Variants in MYO3B observed in about 807,000 individuals in gnomAD.
MYO3B encodes myosin-IIIb.
MYO3B carries 156 observed loss-of-function variants against 174.6 expected under a neutral mutation model. That is an observed-to-expected ratio of 0.89 (90% CI 0.78 to 1.02). MYO3B has a LOEUF of 1.02. MYO3B is among the 50% of genes least tolerant of loss of function. The probability of loss-of-function intolerance (pLI) is 0.00; values close to 1 mark genes in which losing one functional copy is unlikely to be tolerated. For synonymous variants in MYO3B, 563 were observed against 569.1 expected, an observed-to-expected ratio of 0.99 and a Z score of 0.15; for missense variants, 1,632 against 1,639.4, an observed-to-expected ratio of 1.00 and a Z score of 0.08.
At chr2:170,377,581 C>T (rs2094304202) in intron 9 of MYO3B, among the ~76,000 whole-genome samples, 1 of 152,154 alleles carries the variant, frequency 6.6e-6, no homozygotes, top group African/African-American at 2.4e-5. Context: ...TAAGGCCCGT[C>T]CTGCTCTCCA....
intron 8 of MYO3B, among the ~76,000 whole-genome samples, chr2:170,349,067 T>C (rs1269789895): frequency 6.6e-6 from 1 of 152,190 alleles, no homozygotes; most frequent in African/African-American, 2.4e-5. Flanking sequence ...AATTATTCTG[T>C]GTCTTCCCAG....
intron 19 of MYO3B, among the ~76,000 whole-genome samples, chr2:170,403,610 G>A (rs1026432768): frequency 2.6e-5 from 4 of 152,202 alleles, no homozygotes; most frequent in Non-Finnish European, 2.9e-5. Flanking sequence ...ACTCTCTTCT[G>A]TATGAAGTAG....
intron 32 of MYO3B, among the ~76,000 whole-genome samples, chr2:170,617,737 A>G (rs1049487700): frequency 6.6e-6 from 1 of 152,190 alleles, no homozygotes; most frequent in Admixed American, 6.5e-5. Context: ...TACGTTTTTG[A>G]TAAGTAATAT....
At chr2:170,208,373 T>G (rs1290455826) in intron 3 of MYO3B, among the ~76,000 whole-genome samples, 1 of 152,204 alleles carries the variant, frequency 6.6e-6, no homozygotes, top group East Asian at 1.9e-4. Context: ...GCTATAGTTA[T>G]GCTTGCTAAG....
intron 7 of MYO3B, among the ~76,000 whole-genome samples, chr2:170,245,331 G>A (rs955044452): frequency 3.3e-5 from 5 of 152,174 alleles, no homozygotes; most frequent in Non-Finnish European, 5.9e-5. Flanking sequence ...GGTGAAAAAT[G>A]AATTATTTGT....
rs142723721 is a variant in MYO3B at position 170,582,249 on chromosome 2, T to A, written c.3733+38261T>A. 3.8e-3 allele frequency among the ~76,000 whole-genome samples: 577 copies of A among 152,260 alleles called. 3 individuals carry two copies. The highest frequency in any genetic ancestry group is 0.012 in the African/African-American group (498 of 41,554). On this transcript the variant is annotated intron_variant, in intron 32 of 34. Transcript: ENST00000408978. Reference sequence around the variant, plus strand: ...AGCAAAGGGATAGGAGCTTCTGGGGTTTGATGTCATTCAGAGAAGCAAATG... The same window carrying A: ...AGCAAAGGGATAGGAGCTTCTGGGGATTGATGTCATTCAGAGAAGCAAATG...
intron 32 of MYO3B, among the ~76,000 whole-genome samples, chr2:170,568,902 G>GATA (rs1273578570): frequency 1.3e-5 from 2 of 152,020 alleles, no homozygotes; most frequent in Non-Finnish European, 1.5e-5. Context: ...CTTCTTAAAA[G>GATA]ATGTTTAGGG....
At chr2:170,299,543 A>G (rs1219262404) in intron 7 of MYO3B, among the ~76,000 whole-genome samples, 1 of 152,172 alleles carries the variant, frequency 6.6e-6, no homozygotes, top group Non-Finnish European at 1.5e-5. Context: ...AGTACTTTAT[A>G]TGTCACTATG....
rs1216368917 is a variant in MYO3B, at chr2:170,386,242, G to T, written c.1344G>T (p.Leu448=). 6.2e-7 allele frequency: 1 copy of T among 1,613,562 alleles called. No homozygotes were observed. Among genetic ancestry groups the T allele is most frequent in the East Asian group, 2.2e-5 (1 of 44,844 alleles). ...CTGGGAAGACAGAAAGCGCCCACCT[G>T]ATTGTTCAGCATTTGACTTTCTTGG... The part of the protein sequence containing the change: ...SGSGKTESAH[L]IVQHLTFLGK... Residue 448 remains leucine, a synonymous_variant, in exon 13 of 35, where the codon CTG becomes CTT. Transcript: ENST00000408978.
intron 8 of MYO3B, among the ~76,000 whole-genome samples, chr2:170,342,702 A>G (rs2093985404): frequency 6.6e-6 from 1 of 152,176 alleles, no homozygotes; most frequent in Non-Finnish European, 1.5e-5. Context: ...TACATGTTGT[A>G]TAATTTACTT....
intron 8 of MYO3B, among the ~76,000 whole-genome samples, chr2:170,358,590 A>G (rs1207364596): frequency 6.6e-6 from 1 of 152,252 alleles, no homozygotes; most frequent in Non-Finnish European, 1.5e-5. Context: ...TATGTGAACT[A>G]TATCTCATTA....
rs377276348 is a variant in MYO3B, at chr2:170,230,294, G to A, written c.604-5697G>A. 7.1e-3 allele frequency among the ~76,000 whole-genome samples: 1,040 copies of A among 145,786 alleles called. 16 individuals are homozygous for A. The highest frequency in any genetic ancestry group is 0.024 in the African/African-American group (963 of 39,400). On this transcript the variant is annotated intron_variant, in intron 6 of 34. Transcript: ENST00000408978. ...AAGCAATTCTCTTGCCTCAGCCTCC[G>A]GAGTAGCTGGGATCACAGGCATGTG...
intron 7 of MYO3B, among the ~76,000 whole-genome samples, chr2:170,275,657 T>C (rs191764770): frequency 4.3e-4 from 65 of 152,292 alleles, no homozygotes; most frequent in South Asian, 1.0e-3. Context: ...GCCTTTTGTT[T>C]TGACTTCTAA....
At chr2:170,201,496 A>C (rs1348574513) in intron 3 of MYO3B, among the ~76,000 whole-genome samples, 1 of 152,226 alleles carries the variant, frequency 6.6e-6, no homozygotes, top group Non-Finnish European at 1.5e-5. Flanking sequence ...GACAATAAGT[A>C]CTGGCTGCCA....
At chr2:170,643,493 G>C (rs1220669176) in intron 32 of MYO3B, among the ~76,000 whole-genome samples, 2 of 152,160 alleles carry the variant, frequency 1.3e-5, no homozygotes, top group African/African-American at 2.4e-5. Flanking sequence ...TTTATGCACA[G>C]AGTTGGCAGA....
Position 170,502,029 on chromosome 2 carries a change from A to G in MYO3B, c.3370+164A>G, listed in dbSNP as rs539328523. On this transcript the variant is annotated intron_variant, in intron 28 of 34. Coordinates refer to ENST00000408978, the MANE Select transcript of MYO3B (RefSeq NM_138995.5). ...TTCTGACCCTCCTTGTGTGATAACTATGATGCTAACGGTGAGCATGAGCAT... is the reference window on the plus strand; with the variant it reads ...TTCTGACCCTCCTTGTGTGATAACTGTGATGCTAACGGTGAGCATGAGCAT... 1.8e-4 allele frequency among the ~76,000 whole-genome samples: 27 copies of G among 152,316 alleles called. No homozygotes were observed. In the South Asian group the frequency reaches 5.4e-3, roughly 30 times the overall value.
At chr2:170,354,182 G>A (rs1306851699) in intron 8 of MYO3B, among the ~76,000 whole-genome samples, 1 of 152,202 alleles carries the variant, frequency 6.6e-6, no homozygotes, top group Non-Finnish European at 1.5e-5. Context: ...TGTTGAATTG[G>A]AAGAGATCCA....
At chr2:170,197,194 T>C (rs12997826) in intron 1 of MYO3B, among the ~76,000 whole-genome samples, 151,981 of 152,172 alleles carry the variant, frequency 1, 75,896 homozygotes, top group Middle Eastern at 1. Context: ...CCCACCCGTT[T>C]CTTCAAACTG....
chr2:170,345,989 C>A (rs2094013211), intron 8 of MYO3B, among the ~76,000 whole-genome samples: 2 of 151,982 alleles, frequency 1.3e-5, no homozygotes. Flanking sequence ...GTCCCTCAGA[C>A]TGGAGACAAC....
Sources: allele counts gnomAD v4.1 joint callset (sites outside exome capture counted in the v4.1 genomes callset), GRCh38; gene constraint gnomAD v4.1.1; transcripts MANE v1.5; gene names NCBI Gene and HGNC (gene_info 2026-07-23, HGNC 2026-07-21).